USH2A: variants seen among roughly 807,000 people sequenced by gnomAD.
USH2A encodes Usher syndrome 2A (autosomal recessive, mild).
In USH2A, 443 loss-of-function variants were observed where a neutral mutation model predicts 538.9. The ratio of observed to expected loss-of-function variants is 0.82; its 90% CI spans 0.76 to 0.89. The LOEUF (loss-of-function observed/expected upper bound fraction) is 0.89. USH2A is among the 40% of genes least tolerant of loss of function. The pLI is 0.00. For synonymous variants in USH2A, 2,413 were observed against 2,273.5 expected (o/e 1.06, Z -1.75); for missense variants, 6,633 against 6,324.8 (o/e 1.05, Z -1.65).
chr1:215,704,683 C>T (rs1178420117), intron 61 of USH2A, among the ~76,000 whole-genome samples: 1 of 152,196 alleles, frequency 6.6e-6, no homozygotes, highest in African/African-American at 2.4e-5. Context: ...AGTTACAACA[C>T]ACTCTTCAAT....
At chr1:216,205,319 A>G (rs1303753511) in intron 16 of USH2A, among the ~76,000 whole-genome samples, 1 of 152,204 alleles carries the variant, frequency 6.6e-6, no homozygotes, top group Admixed American at 6.5e-5. Context: ...GAAGAAAATA[A>G]ACATTCTAGT....
intron 58 of USH2A, among the ~76,000 whole-genome samples, chr1:215,752,887 A>C (rs562020481): frequency 6.6e-6 from 1 of 152,164 alleles, no homozygotes; most frequent in Non-Finnish European, 1.5e-5. Flanking sequence ...TACAGAATGG[A>C]AGAAAATTTT....
chr1:216,238,307 C>T (rs2035869068), intron 13 of USH2A, among the ~76,000 whole-genome samples: 1 of 152,112 alleles, frequency 6.6e-6, no homozygotes, highest in Non-Finnish European at 1.5e-5. Context: ...TTCTCAAGGA[C>T]AAGGGTGGGT....
At chr1:216,309,828 T>G (rs1292302201) in intron 9 of USH2A, among the ~76,000 whole-genome samples, 2 of 152,188 alleles carry the variant, frequency 1.3e-5, no homozygotes, top group Non-Finnish European at 2.9e-5. Context: ...CTTTAGCCTG[T>G]TGATGTGAGG....
intron 9 of USH2A, among the ~76,000 whole-genome samples, chr1:216,307,985 C>T (rs774609201): frequency 2.6e-5 from 4 of 152,098 alleles, no homozygotes; most frequent in Non-Finnish European, 5.9e-5. Flanking sequence ...TGTGGATTCT[C>T]GTGGCTTTCC....
In USH2A at chr1:215,758,772, A is replaced by G; in HGVS notation, c.11232-20T>C. 6.2e-7 allele frequency: 1 copy of G among 1,612,534 alleles called. No individual in the cohort carries two copies. Among genetic ancestry groups the G allele is most frequent in the Non-Finnish European group, 8.5e-7 (1 of 1,179,212 alleles). The stretch of plus-strand genomic sequence containing the variant: ...GTGTATCTATATTTAAAAAGAAAGA[A>G]GAATTGTGGTAAGGCCATGCACAAG... On this transcript the variant is annotated intron_variant, in intron 57 of 71. Coordinates refer to ENST00000307340, the MANE Select transcript of USH2A (RefSeq NM_206933.4).
At chr1:216,287,921 A>G (rs1197355905) in intron 11 of USH2A, among the ~76,000 whole-genome samples, 1 of 152,194 alleles carries the variant, frequency 6.6e-6, no homozygotes, top group Non-Finnish European at 1.5e-5. Context: ...TATTCATTCA[A>G]CATTTATGTG....
chr1:216,182,475 T>A (rs2034513197), intron 20 of USH2A, among the ~76,000 whole-genome samples: 1 of 152,012 alleles, frequency 6.6e-6, no homozygotes, highest in African/African-American at 2.4e-5. Context: ...GCCACAGAGG[T>A]CATCACATAG....
chr1:216,210,906 G>A (rs1202032884), intron 15 of USH2A, among the ~76,000 whole-genome samples: 2 of 151,872 alleles, frequency 1.3e-5, no homozygotes, highest in African/African-American at 4.8e-5. Context: ...GTTTGAACCC[G>A]GGAGTCGGAA....
intron 25 of USH2A, 66 bp from the exon 26 acceptor site, chr1:216,083,652 C>A: frequency 6.6e-7 from 1 of 1,525,484 alleles, no homozygotes; most frequent in South Asian, 1.2e-5. Flanking sequence ...TGTAAGGGTG[C>A]TAAGAAACTC....
chr1:215,961,637 C>T (rs773910805), intron 37 of USH2A, among the ~76,000 whole-genome samples: 10 of 151,498 alleles, frequency 6.6e-5, no homozygotes, highest in African/African-American at 1.2e-4. Flanking sequence ...ATATATTCTA[C>T]AGTTTTAATC....
In USH2A at chr1:215,651,895, A is replaced by G. The variant is rs186142064; in HGVS notation, c.14134-1094T>C. ...CTTTTTTTCCGGATTCCTTTGTGAAAGTAAATTTTCTGATGTTGAATTGTT... is the reference window on the plus strand; with the variant it reads ...CTTTTTTTCCGGATTCCTTTGTGAAGGTAAATTTTCTGATGTTGAATTGTT... On this transcript the variant is annotated intron_variant, in intron 64 of 71. Coordinates refer to ENST00000307340, the MANE Select transcript of USH2A (RefSeq NM_206933.4). 1.4e-4 allele frequency among the ~76,000 whole-genome samples: 21 copies of G among 152,320 alleles called. No individual in the cohort carries two copies. The East Asian group carries it at 4.0e-3, about 29-fold the overall frequency.
At chr1:215,719,570 C>T (rs1379613506) in intron 61 of USH2A, among the ~76,000 whole-genome samples, 1 of 152,156 alleles carries the variant, frequency 6.6e-6, no homozygotes, top group Non-Finnish European at 1.5e-5. Flanking sequence ...CAAATTAGTA[C>T]AGTTGCCTAG....
At chr1:215,922,915 G>C (rs1489258175) in intron 38 of USH2A, among the ~76,000 whole-genome samples, 1 of 152,078 alleles carries the variant, frequency 6.6e-6, no homozygotes, top group Non-Finnish European at 1.5e-5. Context: ...CCTGAAAATA[G>C]TGGAGAAACA....
At chr1:216,353,610 T>C (rs946828943) in intron 4 of USH2A, among the ~76,000 whole-genome samples, 7 of 152,132 alleles carry the variant, frequency 4.6e-5, no homozygotes, top group Non-Finnish European at 8.8e-5. Context: ...AATATGCACC[T>C]TTTTTGTTCA....
chr1:215,641,085 AT>A (rs1435706893), intron 67 of USH2A, among the ~76,000 whole-genome samples: 2 of 152,070 alleles, frequency 1.3e-5, no homozygotes, highest in Non-Finnish European at 2.9e-5. Context: ...ATTTTGTTGC[AT>A]TTTCCCTCTT....
chr1:215,722,385 T>C (rs909028701), intron 61 of USH2A, among the ~76,000 whole-genome samples: 2 of 152,152 alleles, frequency 1.3e-5, no homozygotes, highest in African/African-American at 4.8e-5. Flanking sequence ...TTGAAACTAA[T>C]TTAAGATCAT....
At chr1:215,811,295 T>C (rs1382946679) in intron 49 of USH2A, among the ~76,000 whole-genome samples, 2 of 152,324 alleles carry the variant, frequency 1.3e-5, no homozygotes, top group East Asian at 1.9e-4. Context: ...GGCTTAGGTG[T>C]TCATGGCACC....
chr1:216,019,642 AT>A (rs771956733), intron 32 of USH2A, among the ~76,000 whole-genome samples: 4 of 152,186 alleles, frequency 2.6e-5, no homozygotes, highest in Non-Finnish European at 5.9e-5. Context: ...GGCAATCAGA[AT>A]TTTGTGATAA....
Sources: allele counts gnomAD v4.1 joint callset (sites outside exome capture counted in the v4.1 genomes callset), GRCh38; gene constraint gnomAD v4.1.1; transcripts MANE v1.5; gene names NCBI Gene and HGNC (gene_info 2026-07-23, HGNC 2026-07-21).